GPHN: variants seen among roughly 807,000 people sequenced by gnomAD.
GPHN encodes gephyrin.
GPHN carries 17 observed loss-of-function variants against 95.5 expected under a neutral mutation model. That is an observed-to-expected ratio of 0.18 (90% CI 0.12 to 0.27). GPHN has a LOEUF of 0.27. Among genes scored for constraint, GPHN ranks in the 10% least tolerant of loss-of-function variants. The pLI, the probability that GPHN is intolerant of heterozygous loss-of-function variation, is 1.00. For missense variants in GPHN, 660 were observed against 978.1 expected (o/e 0.67, Z 4.34); for synonymous variants, 320 against 322.5 (o/e 0.99, Z 0.08).
At chr14:67,503,533 G>A in the GPHN span, 1 of 152,134 alleles carries the variant, frequency 6.6e-6, no homozygotes, top group African/African-American at 2.4e-5. Context: ...TTCATGACTC[G>A]GCATGGCTGC....
chr14:67,534,239 T>C, the GPHN span, among the ~76,000 whole-genome samples: 12,948 of 152,102 alleles, frequency 0.085, 680 homozygotes, highest in East Asian at 0.15. Flanking sequence ...TGTTTCTGCA[T>C]ATTATTGGCC....
At chr14:67,573,661 G>C in the GPHN span, 1 of 683,832 alleles carries the variant, frequency 1.5e-6, no homozygotes, top group Non-Finnish European at 2.7e-6. This position sits in a 1 kb window ranked among gnomAD's most constrained non-coding sequence, Gnocchi z 4.8. Context: ...TCTAGAATAA[G>C]TCACCCATCA....
intron 18 of GPHN, among the ~76,000 whole-genome samples, chr14:67,148,301 G>A (rs1277128327): frequency 2.0e-5 from 3 of 152,038 alleles, no homozygotes; most frequent in Non-Finnish European, 4.4e-5. Flanking sequence ...CAGTACCAAA[G>A]AAAGAAGCAC....
At chr14:67,726,144 T>A in the GPHN span, 6 of 1,605,168 alleles carry the variant, frequency 3.7e-6, no homozygotes, top group East Asian at 1.3e-4. Flanking sequence ...CACCTGGGAG[T>A]CAACCACCTG....
chr14:67,488,805 C>G, the GPHN span: 1 of 152,356 alleles, frequency 6.6e-6, no homozygotes, highest in Non-Finnish European at 1.5e-5. Context: ...CCACTGCCTG[C>G]TGAGGTGCAG....
At chr14:66,851,462 C>T (rs974785894) in intron 4 of GPHN, among the ~76,000 whole-genome samples, 2 of 151,794 alleles carry the variant, frequency 1.3e-5, no homozygotes, top group Non-Finnish European at 1.5e-5. Flanking sequence ...TCTTTTGTGT[C>T]TGGATTCTTT....
At chr14:67,548,200 G>T in the GPHN span, among the ~76,000 whole-genome samples, 14 of 152,308 alleles carry the variant, frequency 9.2e-5, no homozygotes, top group Non-Finnish European at 1.8e-4. Context: ...ATTAAAATGT[G>T]ATTCTTCCTT....
At chr14:66,567,750 T>G (rs776058995) in intron 1 of GPHN, among the ~76,000 whole-genome samples, 1 of 152,230 alleles carries the variant, frequency 6.6e-6, no homozygotes, top group East Asian at 1.9e-4. Context: ...AGTAACTAAT[T>G]GTTTAATACA....
the GPHN span, chr14:67,353,761 G>C: frequency 6.5e-6 from 1 of 152,872 alleles, no homozygotes; most frequent in Non-Finnish European, 1.5e-5. Flanking sequence ...AAAGTACTGG[G>C]ATTACAGGGA....
the GPHN span, among the ~76,000 whole-genome samples, chr14:67,234,549 C>CAAG: frequency 6.6e-6 from 1 of 152,048 alleles, no homozygotes; most frequent in Non-Finnish European, 1.5e-5. Context: ...TAGAGTTCCA[C>CAAG]TCTTTGCTTG....
At chr14:67,161,653 T>A (rs2081988682) in intron 19 of GPHN, among the ~76,000 whole-genome samples, 1 of 151,928 alleles carries the variant, frequency 6.6e-6, no homozygotes, top group Non-Finnish European at 1.5e-5. Flanking sequence ...CCCAGCTACT[T>A]GGGAGGCTAA....
chr14:66,578,532 C>T lies in GPHN; in HGVS notation c.64+69941C>T, dbSNP rs536573999. On this transcript the variant is annotated intron_variant, in intron 1 of 22. Transcript: ENST00000478722. ...TAAGACTTAGTAAAACTCTCAGAAG[C>T]GTTAAGACAAAGAGAGGATCCTGAA... Among the ~76,000 whole-genome samples, 27 of 150,952 alleles carry T rather than the reference C, an allele frequency of 1.8e-4. No homozygotes were observed. The South Asian group carries it at 3.1e-3, about 18-fold the overall frequency.
chr14:66,544,665 A>C (rs1594895225), intron 1 of GPHN, among the ~76,000 whole-genome samples: 1 of 151,300 alleles, frequency 6.6e-6, no homozygotes, highest in East Asian at 2.0e-4. Flanking sequence ...ACAGGACAAT[A>C]GTGGAGGGAA....
chr14:67,605,372 T>C, the GPHN span, among the ~76,000 whole-genome samples: 1 of 152,214 alleles, frequency 6.6e-6, no homozygotes, highest in East Asian at 1.9e-4. Flanking sequence ...TATTTATTTT[T>C]AGAGACACCA....
At chr14:66,592,417 C>A (rs879091299) in intron 1 of GPHN, among the ~76,000 whole-genome samples, 1 of 148,816 alleles carries the variant, frequency 6.7e-6, no homozygotes, top group Non-Finnish European at 1.5e-5. Context: ...GACAAAGGGC[C>A]AATATCCAGA....
In GPHN at chr14:66,745,832, A is replaced by G. The variant is rs1378029529; in HGVS notation, c.144-30632A>G. 5.3e-5 allele frequency among the ~76,000 whole-genome samples: 8 copies of G among 152,104 alleles called. No homozygotes were observed. The South Asian group carries it at 1.5e-3, about 28-fold the overall frequency. On this transcript the variant is annotated intron_variant, in intron 2 of 22. Transcript: ENST00000478722. ...TTTAAAAATAATAATAATACAGTAA[A>G]AAACCCTTTGTGATCTTTCTTAATA... is the stretch of plus-strand genomic sequence containing the variant.
chr14:67,465,971 A>G, the GPHN span, among the ~76,000 whole-genome samples: 3 of 152,336 alleles, frequency 2.0e-5, no homozygotes, highest in East Asian at 5.8e-4. Context: ...AGGCAAGGCC[A>G]GATCCTCCCC....
At chr14:66,607,396 T>G (rs981037129) in intron 1 of GPHN, among the ~76,000 whole-genome samples, 1 of 151,662 alleles carries the variant, frequency 6.6e-6, no homozygotes, top group Non-Finnish European at 1.5e-5. Flanking sequence ...ATTTTTGTGT[T>G]TTTTTTTGTT....
chr14:67,453,173 A>C, the GPHN span, among the ~76,000 whole-genome samples: 15 of 152,188 alleles, frequency 9.9e-5, no homozygotes, highest in Non-Finnish European at 2.1e-4. Context: ...GATGAAAGTA[A>C]CCAAATAGTA....
Sources: gnomAD v4.1 joint callset for allele counts (sites outside exome capture counted in the v4.1 genomes callset) on GRCh38, gnomAD v4.1.1 for gene constraint, Gnocchi (gnomAD v3.1) non-coding constraint, MANE v1.5 for transcripts, NCBI Gene and HGNC (gene_info 2026-07-23, HGNC 2026-07-21) for gene names.